The following SLC6A3 variants were observed in gnomAD, a reference collection of about 807,000 sequenced individuals.
SLC6A3 encodes solute carrier family 6 member 3, also known as sodium-dependent dopamine transporter.
SLC6A3 carries 19 observed loss-of-function variants against 70.4 expected under a neutral mutation model. The observed-to-expected ratio is 0.27, with a 90% CI of 0.19 to 0.40. The LOEUF is 0.40. Among genes scored for constraint, SLC6A3 ranks in the 10% least tolerant of loss-of-function variants. The probability of loss-of-function intolerance (pLI) is 1.00; values close to 1 mark genes in which losing one functional copy is unlikely to be tolerated. For missense variants in SLC6A3, 613 were observed against 838.5 expected (o/e 0.73, Z 3.32); for synonymous variants, 368 against 356.6 (o/e 1.03, Z -0.36).
chr5:1,443,039 G>C lies in SLC6A3; in HGVS notation c.159C>G (p.Ser53Arg), dbSNP rs116703280. The C allele has an allele frequency of 8.1e-6, 13 of 1,614,232 alleles. No homozygotes were observed. The South Asian group carries it at 1.4e-4, about 18-fold the overall frequency. ...TSSTLTNPRQ[S>R]PVEAQDRETW... is the part of the protein sequence containing the mutation. ...TCTCCCGATCCTGGGCCTCCACGGG[G>C]CTCTGCCGCGGGTTGGTGAGGGTGG... Residue 53 changes from serine to arginine, a missense_variant, in exon 2 of 15, where the codon AGC becomes AGG. Physicochemically the swap from Ser to Arg is moderately radical, Grantham distance 110 (BLOSUM62 -1). Transcript: ENST00000270349.
chr5:1,409,106 G>T lies in SLC6A3; in HGVS notation c.1418C>A (p.Thr473Lys), dbSNP rs754889013. ...CVTNGGIYVFTLLDHFAAGTS... is the reference protein window; with the variant it reads ...CVTNGGIYVFKLLDHFAAGTS... ...GCCGGCTGCAAAATGGTCCAGGAGC[G>T]TGAAGACGTAGATGCCACCCTGGAA... is the stretch of plus-strand genomic sequence containing the variant. Residue 473 changes from threonine to lysine, a missense_variant, in exon 11 of 15, where the codon ACG (threonine) becomes AAG (lysine). By Grantham distance (78) the Thr-to-Lys change is moderately conservative (BLOSUM62 -1). Coordinates refer to ENST00000270349, the MANE Select transcript of SLC6A3 (RefSeq NM_001044.5). 6.2e-7 allele frequency: 1 copy of T among 1,611,650 alleles called. No individual in the cohort carries two copies. The highest frequency in any genetic ancestry group is 8.5e-7 in the Non-Finnish European group (1 of 1,179,162).
Position 1,409,035 on chromosome 5 carries a change from A to C in SLC6A3, c.1489T>G (p.Trp497Gly). The C allele has an allele frequency of 6.2e-7, 1 of 1,611,258 alleles. No individual in the cohort carries two copies. Among genetic ancestry groups the C allele is most frequent in the Non-Finnish European group, 8.5e-7 (1 of 1,178,474 alleles). Residue 497 changes from tryptophan (W) to glycine (G), a missense_variant, in exon 11 of 15, where the codon TGG (tryptophan) becomes GGG (glycine). Coordinates refer to ENST00000270349, the MANE Select transcript of SLC6A3 (RefSeq NM_001044.5). ...GVLIEAIGVA[W>G]FYGVGQFSDD... ...CTTCCCCCGGACTCACCATAGAACC[A>C]GGCCACTCCGATGGCTTCGATGAGC...
chr5:1,442,068 G>A lies in SLC6A3; in HGVS notation c.287-578C>T, dbSNP rs1180531456. Reference sequence around the variant, plus strand: ...CCCCACCCCCAGCACAAAGCCCAGGGAACCCTGGTCTCAACCTCCTAAATT... The same window carrying A: ...CCCCACCCCCAGCACAAAGCCCAGGAAACCCTGGTCTCAACCTCCTAAATT... On this transcript the variant is annotated intron_variant, in intron 2 of 14. Coordinates refer to ENST00000270349, the MANE Select transcript of SLC6A3 (RefSeq NM_001044.5). This position sits in a 1 kb window ranked among gnomAD's most constrained non-coding sequence, Gnocchi z 5.0. Among the ~76,000 whole-genome samples, 4 of 151,978 alleles carry A rather than the reference G, an allele frequency of 2.6e-5. No homozygotes were observed. Among genetic ancestry groups the A allele is most frequent in the African/African-American group, 4.8e-5 (2 of 41,374 alleles).
chr5:1,401,509 G>A lies in SLC6A3; in HGVS notation c.1768-523C>T, dbSNP rs1385931594. Among the ~76,000 whole-genome samples, 1 of 152,172 alleles carries A rather than the reference G, an allele frequency of 6.6e-6. No individual in the cohort carries two copies. The highest frequency in any genetic ancestry group is 2.4e-5 in the African/African-American group (1 of 41,452). ...GCCTGGACAGCACCAAGTCCTCCCAGAGCAGGCAGCATCTTCAGGAGCTCA... is the reference window on the plus strand; with the variant it reads ...GCCTGGACAGCACCAAGTCCTCCCAAAGCAGGCAGCATCTTCAGGAGCTCA... On this transcript the variant is annotated intron_variant, in intron 13 of 14. Transcript: ENST00000270349. This position sits in a 1 kb window ranked among gnomAD's most constrained non-coding sequence, Gnocchi z 6.1.
chr5:1,407,257 G>A (rs1232453848), intron 11 of SLC6A3, among the ~76,000 whole-genome samples: 3 of 152,140 alleles, frequency 2.0e-5, no homozygotes, highest in African/African-American at 7.2e-5. Context: ...CGGTTGTCCC[G>A]TGTCCCATCA....
At position 1,405,692 on chromosome 5, in the gene SLC6A3, G is replaced by T. The variant is rs1463481992; in HGVS notation, c.1599+496C>A. Among the ~76,000 whole-genome samples, 1 of 152,170 alleles carries T rather than the reference G, an allele frequency of 6.6e-6. No individual in the cohort carries two copies. ...GGCCTTGCCCGGTGGGCCCTGACTC[G>T]GTGGCGGATGACAGAAGCAAGTGCC... On this transcript the variant is annotated intron_variant, in intron 12 of 14. Transcript: ENST00000270349. The surrounding 1 kb of genome is among the most constrained non-coding windows in gnomAD (Gnocchi z 5.3).
Position 1,443,096 on chromosome 5 carries a change from G to T in SLC6A3, c.102C>A (p.Val34=). The part of the protein sequence containing the change: ...VGPKEVELIL[V]KEQNGVQLTS... ...TGAGCTGCACTCCGTTCTGCTCCTTGACAAGGATGAGCTCCACCTCCTTCG... is the reference window on the plus strand; with the variant it reads ...TGAGCTGCACTCCGTTCTGCTCCTTTACAAGGATGAGCTCCACCTCCTTCG... Residue 34 remains valine, a synonymous_variant, in exon 2 of 15, where the codon GTC becomes GTA. Transcript: ENST00000270349. 5 of 1,614,236 alleles carry T rather than the reference G, an allele frequency of 3.1e-6. No homozygotes were observed. The highest frequency in any genetic ancestry group is 4.2e-6 in the Non-Finnish European group (5 of 1,180,046).
At chr5:1,439,644 GTGC>G (rs1756925921) in intron 3 of SLC6A3, among the ~76,000 whole-genome samples, 1 of 152,216 alleles carries the variant, frequency 6.6e-6, no homozygotes, top group Non-Finnish European at 1.5e-5. Flanking sequence ...TCCTGGGGCC[GTGC>G]TGGGCTCGGC....
intron 4 of SLC6A3, among the ~76,000 whole-genome samples, chr5:1,430,308 C>G (rs115619455): frequency 6.6e-6 from 1 of 152,212 alleles, no homozygotes; most frequent in African/African-American, 2.4e-5. Context: ...CCACACAACG[C>G]TCACCCCACG....
chr5:1,412,318 C>G (rs1353267142), intron 8 of SLC6A3, among the ~76,000 whole-genome samples: 1 of 152,248 alleles, frequency 6.6e-6, no homozygotes, highest in African/African-American at 2.4e-5. Flanking sequence ...CTCCTGTCAG[C>G]TGGGGCCCTG....
chr5:1,444,703 G>C (rs901664346), intron 1 of SLC6A3, among the ~76,000 whole-genome samples: 4 of 152,346 alleles, frequency 2.6e-5, no homozygotes, highest in Admixed American at 2.0e-4. Flanking sequence ...GCGAGTCTCC[G>C]GCAAGCCGCC....
At chr5:1,423,789 G>GGC (rs1756517356) in intron 4 of SLC6A3, among the ~76,000 whole-genome samples, 2 of 152,236 alleles carry the variant, frequency 1.3e-5, no homozygotes, top group Non-Finnish European at 2.9e-5. Context: ...TTGGGGCCAA[G>GGC]ACAACTGTAA....
intron 4 of SLC6A3, among the ~76,000 whole-genome samples, chr5:1,426,851 C>T (rs896063013): frequency 6.6e-6 from 1 of 152,138 alleles, no homozygotes; most frequent in South Asian, 2.1e-4. Context: ...GAGAAAGTTC[C>T]AATGGATGAT....
chr5:1,423,310 C>T (rs1173819209), intron 4 of SLC6A3, among the ~76,000 whole-genome samples: 1 of 144,284 alleles, frequency 6.9e-6, no homozygotes, highest in Non-Finnish European at 1.5e-5. Context: ...CTGCCCAGTG[C>T]TGCCCATGGT....
rs553370111 is a variant in SLC6A3 at position 1,437,840 on chromosome 5, G to T, written c.418+3519C>A. Among the ~76,000 whole-genome samples, 321 of 152,376 alleles carry T rather than the reference G, an allele frequency of 2.1e-3. 2 individuals are homozygous for T. Among genetic ancestry groups the T allele is most frequent in the Middle Eastern group, 0.02 (6 of 294 alleles). ...ATGGCCTTTTAGCTCCACAATGATT[G>T]TTGTGGGCACTTTAGCTGATGTCTT... On this transcript the variant is annotated intron_variant, in intron 3 of 14. Coordinates refer to ENST00000270349, the MANE Select transcript of SLC6A3 (RefSeq NM_001044.5). This position sits in a 1 kb window ranked among gnomAD's most constrained non-coding sequence, Gnocchi z 4.8.
rs1404671895 is a variant in SLC6A3, at chr5:1,394,346, G to A, written c.*389C>T. 2.6e-6 allele frequency: 1 copy of A among 385,158 alleles called. No homozygotes were observed. The highest frequency in any genetic ancestry group is 3.9e-5 in the Admixed American group (1 of 25,644). 23.9% of individuals were successfully genotyped at this position (385,158 alleles called of 1,614,324 possible). ...GTGAGCACGGGGATTCTCAGCAGGT[G>A]CGTCTACAAGGATCGTGATCCCCGC... is the stretch of plus-strand genomic sequence containing the variant. On this transcript the variant is annotated 3_prime_UTR_variant, in exon 15 of 15. Transcript: ENST00000270349. The surrounding 1 kb of genome is among the most constrained non-coding windows in gnomAD (Gnocchi z 4.7).
At position 1,411,071 on chromosome 5, in the gene SLC6A3, A is replaced by C. The variant is rs1199631146; in HGVS notation, c.1269+172T>G. ...GTAAACTCCAGTCACCACTCACTCCAGCCCCGAGAAAGGTCTCCCAAATAA... is the reference window on the plus strand; with the variant it reads ...GTAAACTCCAGTCACCACTCACTCCCGCCCCGAGAAAGGTCTCCCAAATAA... On this transcript the variant is annotated intron_variant, in intron 9 of 14. Transcript: ENST00000270349. This position sits in a 1 kb window ranked among gnomAD's most constrained non-coding sequence, Gnocchi z 6.5. 6.6e-6 allele frequency among the ~76,000 whole-genome samples: 1 copy of C among 152,114 alleles called. No individual in the cohort carries two copies. The highest frequency in any genetic ancestry group is 1.5e-5 in the Non-Finnish European group (1 of 67,998).
rs1476427588 is a variant in SLC6A3, at chr5:1,404,037, T to C, written c.1600-948A>G. 6.6e-6 allele frequency among the ~76,000 whole-genome samples: 1 copy of C among 152,214 alleles called. No homozygotes were observed. The highest frequency in any genetic ancestry group is 1.5e-5 in the Non-Finnish European group (1 of 68,044). ...ACAAGTGAAGCTCTGATAGATATGG[T>C]TTATGATGTAGCTTAAAATGCAATT... On this transcript the variant is annotated intron_variant, in intron 12 of 14. Transcript: ENST00000270349. The surrounding 1 kb of genome is among the most constrained non-coding windows in gnomAD (Gnocchi z 5.2).
chr5:1,430,769 C>T (rs527632052), intron 4 of SLC6A3, among the ~76,000 whole-genome samples: 3 of 39,256 alleles, frequency 7.6e-5, no homozygotes, highest in East Asian at 1.0e-3. Context: ...GATCCTCCCC[C>T]AGCAGAGGCG....
Sources: gnomAD v4.1 joint callset for allele counts (sites outside exome capture counted in the v4.1 genomes callset) on GRCh38, gnomAD v4.1.1 for gene constraint, Gnocchi (gnomAD v3.1) non-coding constraint, MANE v1.5 for transcripts, NCBI Gene and HGNC (gene_info 2026-07-23, HGNC 2026-07-21) for gene names.